Variants in RBFOX1 observed in about 807,000 individuals in gnomAD.
The protein encoded by RBFOX1 is RNA binding fox-1 homolog 1.
Under a neutral mutation model 57.7 loss-of-function variants are expected in RBFOX1, and 8 were observed. The ratio of observed to expected loss-of-function variants is 0.14; its 90% CI spans 0.08 to 0.25. RBFOX1 has a LOEUF of 0.25. Among genes scored for constraint, RBFOX1 ranks in the 10% least tolerant of loss-of-function variants. The pLI, the probability that RBFOX1 is intolerant of heterozygous loss-of-function variation, is 1.00. For missense variants in RBFOX1, 611 were observed against 548.5 expected, an observed-to-expected ratio of 1.11 and a Z score of -1.14; for synonymous variants, 326 against 222.4, an observed-to-expected ratio of 1.47 and a Z score of -4.15.
chr16:6,974,505 C>G (rs1270850495), intron 3 of RBFOX1, among the ~76,000 whole-genome samples: 1 of 151,612 alleles, frequency 6.6e-6, no homozygotes, highest in African/African-American at 2.4e-5. Flanking sequence ...CCACCACGCC[C>G]AGCTAATTGT....
intron 3 of RBFOX1, among the ~76,000 whole-genome samples, chr16:6,751,221 C>G (rs760827993): frequency 6.6e-6 from 1 of 152,050 alleles, no homozygotes; most frequent in Non-Finnish European, 1.5e-5. Context: ...GTATTGAGCT[C>G]TGATGTATAT....
chr16:5,786,149 C>T (rs1466685544), intron 3 of RBFOX1, among the ~76,000 whole-genome samples: 1 of 152,208 alleles, frequency 6.6e-6, no homozygotes, highest in African/African-American at 2.4e-5. Context: ...CTCCACCTCT[C>T]ACCCCAGAAG....
chr16:5,318,349 A>ATG (rs1314218588), intron 1 of RBFOX1, among the ~76,000 whole-genome samples: 3 of 151,968 alleles, frequency 2.0e-5, no homozygotes, highest in Non-Finnish European at 4.4e-5. Context: ...GGCTGGTCTC[A>ATG]AACTCCTGAC....
At chr16:5,275,633 T>A (rs1426165965) in intron 1 of RBFOX1, among the ~76,000 whole-genome samples, 1 of 152,210 alleles carries the variant, frequency 6.6e-6, no homozygotes, top group Non-Finnish European at 1.5e-5. Flanking sequence ...ACAAATTTAA[T>A]GCAATTCCTA....
chr16:7,014,968 C>G (rs1290894217), intron 3 of RBFOX1, among the ~76,000 whole-genome samples: 2 of 152,130 alleles, frequency 1.3e-5, no homozygotes. Flanking sequence ...TTGTGATATA[C>G]CCGCCTGGAC....
intron 4 of RBFOX1, among the ~76,000 whole-genome samples, chr16:5,917,185 C>T (rs2058722699): frequency 6.6e-6 from 1 of 152,140 alleles, no homozygotes; most frequent in Non-Finnish European, 1.5e-5. Context: ...GGCTGTTTTT[C>T]ACTCCCAGCG....
chr16:5,690,310 C>T (rs1596771729), intron 3 of RBFOX1, among the ~76,000 whole-genome samples: 1 of 152,174 alleles, frequency 6.6e-6, no homozygotes, highest in African/African-American at 2.4e-5. Flanking sequence ...GCATCCTCTC[C>T]TGAAAGGAAT....
In RBFOX1 at chr16:5,711,937, A is replaced by T. The variant is rs1180088266; in HGVS notation, c.318+112976A>T. Among the ~76,000 whole-genome samples, 4 of 152,338 alleles carry T rather than the reference A, an allele frequency of 2.6e-5. No individual in the cohort carries two copies. The East Asian group carries it at 7.7e-4, about 29-fold the overall frequency. The stretch of plus-strand genomic sequence containing the variant: ...ATTAGTTTGTTCTCACAGTGCTAAA[A>T]AGAAATATCCCAGACTGTGTAATTT... On this transcript the variant is annotated intron_variant, in intron 3 of 19. Transcript: ENST00000641259.
intron 4 of RBFOX1, among the ~76,000 whole-genome samples, chr16:7,152,272 C>G (rs1170712311): frequency 6.6e-6 from 1 of 152,092 alleles, no homozygotes; most frequent in Admixed American, 6.6e-5. Context: ...GTAAACCCAC[C>G]CATGGAAAGT....
chr16:6,578,797 A>G (rs1025587097), intron 2 of RBFOX1, among the ~76,000 whole-genome samples: 1 of 152,164 alleles, frequency 6.6e-6, no homozygotes, highest in African/African-American at 2.4e-5. Flanking sequence ...TAAATATAAT[A>G]TAGATTTTTT....
intron 4 of RBFOX1, among the ~76,000 whole-genome samples, chr16:7,284,506 C>T (rs2095610318): frequency 6.6e-6 from 1 of 152,044 alleles, no homozygotes; most frequent in Non-Finnish European, 1.5e-5. Flanking sequence ...AATTTTTTAA[C>T]TTCTTGTAGA....
intron 1 of RBFOX1, among the ~76,000 whole-genome samples, chr16:6,022,699 C>G (rs1382768940): frequency 6.6e-6 from 1 of 151,948 alleles, no homozygotes; most frequent in African/African-American, 2.4e-5. Flanking sequence ...CAAAACAAAA[C>G]AAACAAACAA....
chr16:6,475,213 A>G (rs2095254259), intron 2 of RBFOX1, among the ~76,000 whole-genome samples: 1 of 152,200 alleles, frequency 6.6e-6, no homozygotes, highest in Admixed American at 6.5e-5. Flanking sequence ...AAACACTCAT[A>G]GGTTTTATAA....
chr16:7,390,594 A>G (rs369824726), intron 4 of RBFOX1, among the ~76,000 whole-genome samples: 1 of 152,220 alleles, frequency 6.6e-6, no homozygotes, highest in African/African-American at 2.4e-5. Flanking sequence ...ATAAGGTGCT[A>G]TATTTCGCAT....
intron 2 of RBFOX1, among the ~76,000 whole-genome samples, chr16:5,540,111 G>T (rs923297768): frequency 5.9e-5 from 9 of 152,114 alleles, no homozygotes; most frequent in Admixed American, 2.0e-4. Flanking sequence ...AAATAGCAAG[G>T]GTGCTGAACA....
At chr16:7,214,427 T>G (rs2091686285) in intron 4 of RBFOX1, among the ~76,000 whole-genome samples, 2 of 151,992 alleles carry the variant, frequency 1.3e-5, no homozygotes, top group South Asian at 2.1e-4. Context: ...GGCAGACTGC[T>G]CCCTTCCTAT....
At chr16:6,717,947 G>A (rs2065163599) in intron 3 of RBFOX1, among the ~76,000 whole-genome samples, 1 of 152,142 alleles carries the variant, frequency 6.6e-6, no homozygotes, top group Non-Finnish European at 1.5e-5. Flanking sequence ...GTGGTCAGTG[G>A]CTTCACAAAA....
At chr16:7,709,373 A>G in intron 15 of RBFOX1, 1 of 1,151,840 alleles carries the variant, frequency 8.7e-7, no homozygotes. Context: ...CTAGCAGAGC[A>G]CTTACCTTAA....
chr16:6,495,930 C>G (rs550397009), intron 2 of RBFOX1, among the ~76,000 whole-genome samples: 2 of 152,212 alleles, frequency 1.3e-5, no homozygotes, highest in African/African-American at 2.4e-5. Context: ...TTGAGCTTTT[C>G]GTTCCTCCAA....
Sources: allele counts gnomAD v4.1 joint callset (sites outside exome capture counted in the v4.1 genomes callset), GRCh38; gene constraint gnomAD v4.1.1; transcripts MANE v1.5; gene names NCBI Gene and HGNC (gene_info 2026-07-23, HGNC 2026-07-21).